Variants in CACNA1C observed in about 807,000 individuals in gnomAD.
The protein encoded by CACNA1C is voltage-dependent L-type calcium channel subunit alpha-1C.
Under a neutral mutation model 229.0 loss-of-function variants are expected in CACNA1C, and 30 were observed. The ratio of observed to expected loss-of-function variants is 0.13; its 90% confidence interval spans 0.10 to 0.18. The LOEUF is 0.18. Among genes scored for constraint, CACNA1C ranks in the 10% least tolerant of loss-of-function variants. The pLI is 1.00. For synonymous variants in CACNA1C, 1,114 were observed against 1,132.5 expected (o/e 0.98, Z 0.33); for missense variants, 1,658 against 2,845.0 (o/e 0.58, Z 9.49).
Position 2,207,053 on chromosome 12 carries a change from G to A in CACNA1C, c.477+86623G>A, listed in dbSNP as rs573328688. On this transcript the variant is annotated intron_variant, in intron 3 of 46. Transcript: ENST00000399655. ...CTCTTGTGGGTGTTGTGTAGAGCCCGTCGAGTGTCAATAAAGGGGACTTGC... is the reference window on the plus strand; with the variant it reads ...CTCTTGTGGGTGTTGTGTAGAGCCCATCGAGTGTCAATAAAGGGGACTTGC... Among the ~76,000 whole-genome samples, 7 of 152,282 alleles carry A rather than the reference G, an allele frequency of 4.6e-5. No homozygotes were observed. In the South Asian group the frequency reaches 1.2e-3, roughly 27 times the overall value.
Position 2,215,889 on chromosome 12 carries a change from A to G in CACNA1C, c.477+95459A>G, listed in dbSNP as rs1156521266. Among the ~76,000 whole-genome samples the G allele has an allele frequency of 1.3e-5, 2 of 152,200 alleles. No homozygotes were observed. The highest frequency in any genetic ancestry group is 2.9e-5 in the Non-Finnish European group (2 of 68,024). On this transcript the variant is annotated intron_variant, in intron 3 of 46. Transcript: ENST00000399655. This position sits in a 1 kb window ranked among gnomAD's most constrained non-coding sequence, Gnocchi z 5.0. The stretch of plus-strand genomic sequence containing the variant: ...CACGCCCTGCTGCCACCAGTGTGAC[A>G]TCAGCCGTGGTTGTGAAATTTCTGA...
At chr12:2,295,536 A>C (rs2093957886) in intron 3 of CACNA1C, among the ~76,000 whole-genome samples, 1 of 152,222 alleles carries the variant, frequency 6.6e-6, no homozygotes, top group African/African-American at 2.4e-5. Flanking sequence ...AGAATTCTAA[A>C]AAACAGCCAT....
intron 3 of CACNA1C, among the ~76,000 whole-genome samples, chr12:2,387,248 G>A (rs1256484749): frequency 6.6e-6 from 1 of 152,140 alleles, no homozygotes; most frequent in East Asian, 1.9e-4. Flanking sequence ...ACTTTAGGAG[G>A]CCAAGGTGGG....
In CACNA1C at chr12:2,344,488, A is replaced by G. The variant is rs74739853; in HGVS notation, c.478-104488A>G. On this transcript the variant is annotated intron_variant, in intron 3 of 46. Coordinates refer to ENST00000399655, the MANE Select transcript of CACNA1C (RefSeq NM_000719.7). Reference sequence around the variant, plus strand: ...TTAGGGGCATTTGCATTACAAATCCACAGACCAAGCAACTCTTTTTAAAAC... The same window carrying G: ...TTAGGGGCATTTGCATTACAAATCCGCAGACCAAGCAACTCTTTTTAAAAC... Among the ~76,000 whole-genome samples the G allele has an allele frequency of 1.3e-3, 194 of 152,286 alleles. 4 individuals are homozygous for G. In the East Asian group the frequency reaches 0.035, roughly 28 times the overall value.
intron 3 of CACNA1C, among the ~76,000 whole-genome samples, chr12:2,204,196 TG>T (rs1305428850): frequency 6.6e-6 from 1 of 152,080 alleles, no homozygotes; most frequent in African/African-American, 2.4e-5. Flanking sequence ...ATTTCTCTGA[TG>T]GCCAGTGATG....
intron 1 of CACNA1C, among the ~76,000 whole-genome samples, chr12:2,080,299 C>A (rs2065034654): frequency 1.8e-5 from 1 of 56,568 alleles, no homozygotes; most frequent in South Asian, 5.6e-4. Flanking sequence ...AATAAAATAA[C>A]CTTGTTTAAA....
intron 9 of CACNA1C, among the ~76,000 whole-genome samples, chr12:2,521,882 G>C (rs898911311): frequency 3.3e-4 from 50 of 152,238 alleles, no homozygotes; most frequent in African/African-American, 1.1e-3. Flanking sequence ...CAAAAGCTTT[G>C]AATGTGTCTC....
intron 3 of CACNA1C, among the ~76,000 whole-genome samples, chr12:2,372,275 T>C (rs1421673805): frequency 6.6e-6 from 1 of 152,192 alleles, no homozygotes; most frequent in Admixed American, 6.5e-5. Context: ...AGCTGATTGG[T>C]TTAGGAAGAG....
rs762515457 is a variant in CACNA1C at position 2,688,683 on chromosome 12, C to T, written c.6021C>T (p.Ala2007=). ...CCCCCGGTGGCGGGGGCAGCAGCGC[C>T]GCCCGGAGAGTCCGGCCCGTCTCCC... The part of the protein sequence containing the change: ...ETTPGGGGSS[A]ARRVRPVSLM... The change falls in exon 46 of 47, where the codon GCC becomes GCT. Residue 2007 remains alanine, a synonymous_variant. Transcript: ENST00000399655. 6.8e-6 allele frequency: 11 copies of T among 1,612,878 alleles called. No homozygotes were observed. Among genetic ancestry groups the T allele is most frequent in the South Asian group, 5.5e-5 (5 of 91,014 alleles).
At chr12:2,271,147 C>T (rs1019152804) in intron 3 of CACNA1C, among the ~76,000 whole-genome samples, 2 of 152,070 alleles carry the variant, frequency 1.3e-5, no homozygotes, top group African/African-American at 2.4e-5. Context: ...CTACTCAGGC[C>T]GGGTTGGAAG....
In CACNA1C at chr12:2,595,442, A is replaced by G. The variant is rs1481973342; in HGVS notation, c.2664-432A>G. Among the ~76,000 whole-genome samples the G allele has an allele frequency of 6.6e-6, 1 of 152,106 alleles. No individual in the cohort carries two copies. Among genetic ancestry groups the G allele is most frequent in the Non-Finnish European group, 1.5e-5 (1 of 68,024 alleles). On this transcript the variant is annotated intron_variant, in intron 19 of 46. Transcript: ENST00000399655. The surrounding 1 kb of genome is among the most constrained non-coding windows in gnomAD (Gnocchi z 4.1). ...TGAATTGCACATTTAAAGCTATTAC[A>G]CAGGAGCAGATCACCTACAGAGAGC...
intron 1 of CACNA1C, among the ~76,000 whole-genome samples, chr12:2,030,709 A>T (rs1428450298): frequency 6.6e-6 from 1 of 152,220 alleles, no homozygotes; most frequent in Non-Finnish European, 1.5e-5. Context: ...AGCAGGGCAG[A>T]GATGCCTGGA....
At chr12:2,071,898 T>C (rs2154524408) in intron 1 of CACNA1C, among the ~76,000 whole-genome samples, 1 of 152,330 alleles carries the variant, frequency 6.6e-6, no homozygotes, top group Non-Finnish European at 1.5e-5. Flanking sequence ...CATTCCTTGG[T>C]GCTCTGAGCA....
intron 3 of CACNA1C, among the ~76,000 whole-genome samples, chr12:2,138,632 A>G (rs1194234955): frequency 1.3e-5 from 2 of 150,900 alleles, no homozygotes; most frequent in Non-Finnish European, 3.0e-5. Flanking sequence ...GGAATGTTCC[A>G]GAGGTTATCC....
rs1221966363 is a variant in CACNA1C, at chr12:2,386,508, C to A, written c.478-62468C>A. On this transcript the variant is annotated intron_variant, in intron 3 of 46. Transcript: ENST00000399655. ...TTCTGTGTTTTTACTCCTAGACACA[C>A]TGATTCTTCTGCCTGGAATGCCTGT... is the stretch of plus-strand genomic sequence containing the variant. 4.6e-5 allele frequency among the ~76,000 whole-genome samples: 7 copies of A among 152,182 alleles called. No individual in the cohort carries two copies. The East Asian group carries it at 1.3e-3, about 29-fold the overall frequency.
rs2094350424 is a variant in CACNA1C at position 2,646,311 on chromosome 12, T to A, written c.3913-2164T>A. The A allele has an allele frequency of 6.6e-6, 1 of 152,240 alleles. No individual in the cohort carries two copies. Among genetic ancestry groups the A allele is most frequent in the Non-Finnish European group, 1.5e-5 (1 of 68,038 alleles). 9.4% of individuals were successfully genotyped at this position (152,240 alleles called of 1,614,324 possible). A position where few individuals can be genotyped will look rare whatever the true frequency, so the allele number is the denominator to read the frequency against. The stretch of plus-strand genomic sequence containing the variant: ...TTTTGTTTTTTTGATGCCTAGAGGT[T>A]GGTTCAATTAGGCCAGGCAAGCCAA... On this transcript the variant is annotated intron_variant, in intron 30 of 46. Coordinates refer to ENST00000399655, the MANE Select transcript of CACNA1C (RefSeq NM_000719.7). The surrounding 1 kb of genome is among the most constrained non-coding windows in gnomAD (Gnocchi z 4.6).
In CACNA1C at chr12:2,518,258, G is replaced by A. The variant is rs182421338; in HGVS notation, c.1390+5274G>A. On this transcript the variant is annotated intron_variant, in intron 9 of 46. Coordinates refer to ENST00000399655, the MANE Select transcript of CACNA1C (RefSeq NM_000719.7). ...GCTTGAGAGCAGTAACCTGAATATC[G>A]CTGATTTACATTATTTTATATGTGT... Among the ~76,000 whole-genome samples the A allele has an allele frequency of 9.2e-5, 14 of 152,170 alleles. 1 individual carries two copies. The highest frequency in any genetic ancestry group is 7.8e-4 in the Admixed American group (12 of 15,290).
chr12:2,655,945 C>T (rs1348921812), intron 34 of CACNA1C, among the ~76,000 whole-genome samples: 2 of 152,190 alleles, frequency 1.3e-5, no homozygotes, highest in African/African-American at 4.8e-5. Context: ...GATGGTACTG[C>T]AACACAATAA....
Position 2,097,297 on chromosome 12 carries a change from C to T in CACNA1C, c.50-17927C>T, listed in dbSNP as rs577993768. ...TGTAGCTGGGACTACAGGCGCCTGC[C>T]ACCACGCCCAGCTAATTTTTTTGTA... On this transcript the variant is annotated intron_variant, in intron 1 of 46. Coordinates refer to ENST00000399655, the MANE Select transcript of CACNA1C (RefSeq NM_000719.7). Among the ~76,000 whole-genome samples the T allele has an allele frequency of 7.2e-5, 11 of 152,198 alleles. No individual in the cohort carries two copies. The East Asian group carries it at 1.2e-3, about 16-fold the overall frequency.
Sources: allele counts gnomAD v4.1 joint callset (sites outside exome capture counted in the v4.1 genomes callset), GRCh38; gene constraint gnomAD v4.1.1; non-coding constraint Gnocchi (gnomAD v3.1); transcripts MANE v1.5; gene names NCBI Gene and HGNC (gene_info 2026-07-23, HGNC 2026-07-21).